PKD1L1: variants seen among roughly 807,000 people sequenced by gnomAD.
PKD1L1 encodes the protein polycystin 1 like 1, transient receptor potential channel interacting.
A neutral mutation model predicts 323.4 loss-of-function variants in PKD1L1; 236 were observed. The observed-to-expected ratio is 0.73, with a 90% CI of 0.66 to 0.81. PKD1L1 has a LOEUF of 0.81. Among genes scored for constraint, PKD1L1 ranks in the 40% least tolerant of loss-of-function variants. The pLI is 0.00. For synonymous variants in PKD1L1, 1,344 were observed against 1,335.0 expected, an observed-to-expected ratio of 1.01 and a Z score of -0.15; for missense variants, 3,320 against 3,508.0, an observed-to-expected ratio of 0.95 and a Z score of 1.35.
At chr7:47,943,587 T>C in intron 1 of PKD1L1, 76 bp from the exon 2 acceptor site, 1 of 1,158,114 alleles carries the variant, frequency 8.6e-7, no homozygotes. Context: ...GTGACCACTC[T>C]TCCATCCATA....
Position 47,840,051 on chromosome 7 carries a change from TC to T in PKD1L1, c.5553-390del, listed in dbSNP as rs1785536047. 6.6e-6 allele frequency among the ~76,000 whole-genome samples: 1 copy of T among 152,124 alleles called. No homozygotes were observed. Among genetic ancestry groups the T allele is most frequent in the Non-Finnish European group, 1.5e-5 (1 of 68,014 alleles). Reference sequence around the variant, plus strand: ...CAGGAGAAAAAATAATTTAGCTCAGTCCTTTCATATTTTCTAAGACGCCAGG... The same window carrying T: ...CAGGAGAAAAAATAATTTAGCTCAGTCTTTCATATTTTCTAAGACGCCAGG... On this transcript the variant is annotated intron_variant, in intron 35 of 56. Coordinates refer to ENST00000289672, the MANE Select transcript of PKD1L1 (RefSeq NM_138295.5). The surrounding 1 kb of genome is among the most constrained non-coding windows in gnomAD (Gnocchi z 4.1).
intron 8 of PKD1L1, among the ~76,000 whole-genome samples, chr7:47,912,078 T>A (rs1054422466): frequency 3.3e-5 from 5 of 152,232 alleles, no homozygotes; most frequent in Non-Finnish European, 5.9e-5. Context: ...GAAATACTCA[T>A]AATAGATTAA....
At chr7:47,950,674 C>G (rs534265173), upstream of PKD1L1, among the ~76,000 whole-genome samples, 58 of 151,652 alleles carry the variant, frequency 3.8e-4, no homozygotes, top group African/African-American at 1.3e-3. Flanking sequence ...CGTGCCATTG[C>G]ACTCCAGCCT....
Position 47,897,974 on chromosome 7 carries a change from G to A in PKD1L1, c.2271+14C>T. Reference sequence around the variant, plus strand: ...TTTCATTGGGCCAGTAGAGCAGTAAGTCAGCCAGCTGACCTTGGCAAGGGC... The same window carrying A: ...TTTCATTGGGCCAGTAGAGCAGTAAATCAGCCAGCTGACCTTGGCAAGGGC... On this transcript the variant is annotated intron_variant, in intron 14 of 56. Transcript: ENST00000289672. 2 of 1,590,778 alleles carry A rather than the reference G, an allele frequency of 1.3e-6. No individual in the cohort carries two copies. Among genetic ancestry groups the A allele is most frequent in the Non-Finnish European group, 1.7e-6 (2 of 1,167,314 alleles).
At chr7:47,943,162 A>AAG (rs1788028074) in intron 2 of PKD1L1, among the ~76,000 whole-genome samples, 1 of 22,636 alleles carries the variant, frequency 4.4e-5, no homozygotes, top group Non-Finnish European at 7.7e-5. Context: ...AAAAAAAAAA[A>AAG]AATATATATA....
chr7:47,841,848 T>C (rs1376165522), intron 34 of PKD1L1, among the ~76,000 whole-genome samples: 2 of 152,216 alleles, frequency 1.3e-5, no homozygotes, highest in Admixed American at 6.5e-5. Context: ...TGCTGTTTTA[T>C]AGAGATTATT....
At chr7:47,880,070 G>A (rs1201777434) in intron 21 of PKD1L1, among the ~76,000 whole-genome samples, 1 of 151,034 alleles carries the variant, frequency 6.6e-6, no homozygotes, top group African/African-American at 2.4e-5. Flanking sequence ...GGAAACGCAA[G>A]AAGGAATGCA....
In PKD1L1 at chr7:47,857,607, G is replaced by A. The variant is rs1351596422; in HGVS notation, c.4588C>T (p.Gln1530Ter). 1.2e-6 allele frequency: 2 copies of A among 1,612,820 alleles called. No homozygotes were observed. The highest frequency in any genetic ancestry group is 1.7e-6 in the Non-Finnish European group (2 of 1,178,982). ...NPYPGSQAPGQIGGVVGLNLY... is the reference protein window; with the variant it reads ...NPYPGSQAPG Reference sequence around the variant, plus strand: ...GCAGGTCATCTGTCAGCTTGTACCTGCCCAGGAGCTTGGCTCCCTGGATAT... The same window carrying A: ...GCAGGTCATCTGTCAGCTTGTACCTACCCAGGAGCTTGGCTCCCTGGATAT... The change falls in exon 28 of 57, where the codon CAG (glutamine) becomes TAG (stop). Residue 1530 changes from glutamine (Q) to a stop codon, truncating the protein, a stop_gained and splice_region_variant. Coordinates refer to ENST00000289672, the MANE Select transcript of PKD1L1 (RefSeq NM_138295.5). LOFTEE classifies it high-confidence loss of function.
At chr7:47,912,823 A>C (rs1210857159) in intron 8 of PKD1L1, among the ~76,000 whole-genome samples, 2 of 151,302 alleles carry the variant, frequency 1.3e-5, no homozygotes, top group Non-Finnish European at 3.0e-5. Context: ...CTCAAAAAAA[A>C]AAAAAAAAAA....
At chr7:47,958,113 C>T in the PKD1L1 span, among the ~76,000 whole-genome samples, 1 of 152,060 alleles carries the variant, frequency 6.6e-6, no homozygotes, top group African/African-American at 2.4e-5. Context: ...TCGTATGTAA[C>T]CACAAAAGAC....
rs551245961 is a variant in PKD1L1, at chr7:47,869,657, T to C, written c.3897-3043A>G. Among the ~76,000 whole-genome samples the C allele has an allele frequency of 7.9e-5, 12 of 152,156 alleles. No homozygotes were observed. The South Asian group carries it at 2.5e-3, about 32-fold the overall frequency. ...GGATACAGAAAACTCAAAATAATAA[T>C]ACTGTCAATAATGGATAGAACCACC... On this transcript the variant is annotated intron_variant, in intron 24 of 56. Coordinates refer to ENST00000289672, the MANE Select transcript of PKD1L1 (RefSeq NM_138295.5).
chr7:47,861,798 G>A (rs575753296), intron 26 of PKD1L1, among the ~76,000 whole-genome samples: 2,524 of 146,222 alleles, frequency 0.017, 83 homozygotes, highest in African/African-American at 0.06. Flanking sequence ...GGAGAATGGC[G>A]TGAACCTGGG....
chr7:47,816,156 G>T (rs939787078), intron 46 of PKD1L1, among the ~76,000 whole-genome samples: 16 of 152,216 alleles, frequency 1.1e-4, no homozygotes, highest in African/African-American at 3.9e-4. Flanking sequence ...CTGCCGACTG[G>T]GCGCAGCATG....
At chr7:47,891,625 T>C (rs906033207) in intron 15 of PKD1L1, among the ~76,000 whole-genome samples, 1 of 152,228 alleles carries the variant, frequency 6.6e-6, no homozygotes, top group African/African-American at 2.4e-5. Context: ...GGTACTGTGA[T>C]GGCTCAGGAA....
At chr7:47,859,703 T>G (rs575177713) in intron 26 of PKD1L1, among the ~76,000 whole-genome samples, 13 of 151,074 alleles carry the variant, frequency 8.6e-5, no homozygotes, top group Non-Finnish European at 1.3e-4. Flanking sequence ...CTTGGCTCAC[T>G]GCATCCTCCG....
chr7:47,959,466 GCC>G, the PKD1L1 span, among the ~76,000 whole-genome samples: 1 of 113,594 alleles, frequency 8.8e-6, no homozygotes, highest in East Asian at 2.9e-4. Context: ...GAGCGCCTCT[GCC>G]CCGCCGCCCC....
At chr7:47,902,686 A>C (rs1787118598) in intron 12 of PKD1L1, among the ~76,000 whole-genome samples, 175 bp from the exon 13 acceptor site, 1 of 152,218 alleles carries the variant, frequency 6.6e-6, no homozygotes, top group Non-Finnish European at 1.5e-5. Context: ...GAGGTCTTTC[A>C]TCATTTAATC....
intron 49 of PKD1L1, 40 bp downstream of exon 49, chr7:47,813,081 G>A (rs756336482): frequency 1.9e-6 from 3 of 1,588,676 alleles, no homozygotes; most frequent in Admixed American, 3.4e-5. Context: ...GAGTGGCGGT[G>A]GCAGGCAGGA....
intron 31 of PKD1L1, among the ~76,000 whole-genome samples, chr7:47,848,101 T>C (rs193129296): frequency 1.3e-5 from 2 of 152,272 alleles, no homozygotes; most frequent in Non-Finnish European, 2.9e-5. Context: ...AATACATCCT[T>C]TTGGCAAAGA....
Sources: gnomAD v4.1 joint callset for allele counts (sites outside exome capture counted in the v4.1 genomes callset) on GRCh38, gnomAD v4.1.1 for gene constraint, Gnocchi (gnomAD v3.1) non-coding constraint, MANE v1.5 for transcripts, NCBI Gene and HGNC (gene_info 2026-07-23, HGNC 2026-07-21) for gene names.